LEPROTL1: variants seen among roughly 807,000 people sequenced by gnomAD.
LEPROTL1 encodes the protein leptin receptor overlapping transcript-like 1.
A neutral mutation model predicts 15.4 loss-of-function variants in LEPROTL1; 6 were observed. The observed-to-expected ratio is 0.39, with a 90% CI of 0.21 to 0.77. The LOEUF is 0.77. Ranked by LOEUF, LEPROTL1 falls within the 30% of genes least tolerant of loss-of-function variation. The probability of loss-of-function intolerance (pLI) is 0.41; values close to 1 mark genes in which losing one functional copy is unlikely to be tolerated. For missense variants in LEPROTL1, 128 were observed against 158.1 expected (o/e 0.81, Z 1.02); for synonymous variants, 56 against 52.6 (o/e 1.06, Z -0.28).
At chr8:30,109,058 G>C (rs578020218), downstream of LEPROTL1, among the ~76,000 whole-genome samples, 1 of 133,370 alleles carries the variant, frequency 7.5e-6, no homozygotes, top group Admixed American at 9.1e-5. Context: ...AAAGTGCTGG[G>C]ATTACAGGCG....
intron 2 of LEPROTL1, 96 bp downstream of exon 2, chr8:30,102,069 C>A: frequency 1.5e-6 from 1 of 666,096 alleles, no homozygotes; most frequent in Non-Finnish European, 2.5e-6. Context: ...AAAAGTAATG[C>A]AGAGAAATGT....
chr8:30,132,187 A>G (rs1172543055), intron 3 of LEPROTL1: 1 of 1,551,874 alleles, frequency 6.4e-7, no homozygotes, highest in East Asian at 2.4e-5. Context: ...GTCAGCTTCC[A>G]CCATCACGGC....
rs116414069 is a variant in LEPROTL1 at position 30,136,650 on chromosome 8, G to A, written c.395-622G>A. Among the ~76,000 whole-genome samples the A allele has an allele frequency of 2.0e-3, 301 of 151,192 alleles. 3 individuals carry two copies. The highest frequency in any genetic ancestry group is 6.8e-3 in the African/African-American group (281 of 41,174). On this transcript the variant is annotated intron_variant, in intron 4 of 4. Coordinates refer to the LEPROTL1 transcript ENST00000442880. The stretch of plus-strand genomic sequence containing the variant: ...CTCCATCCCATTTGGTACTTCCTAC[G>A]CCCCACCCACCTGCCATCTTGCCTT...
intron 4 of LEPROTL1, among the ~76,000 whole-genome samples, chr8:30,134,902 C>T (rs1341433748): frequency 6.6e-6 from 1 of 151,876 alleles, no homozygotes; most frequent in Non-Finnish European, 1.5e-5. Flanking sequence ...TTTCCTGAGA[C>T]ACGGTCTCAC....
rs1315778252 is a variant in LEPROTL1, at chr8:30,107,999, A to G, written c.*2137A>G. 1.0e-6 allele frequency: 1 copy of G among 961,696 alleles called. No individual in the cohort carries two copies. Among genetic ancestry groups the G allele is most frequent in the African/African-American group, 1.8e-5 (1 of 56,490 alleles). 59.6% of individuals were successfully genotyped at this position (961,696 alleles called of 1,614,324 possible). ...AATTTTCCATAGAATATGCACTGAT[A>G]CAATATTACCATTCTTCTATGGAAA... is the stretch of plus-strand genomic sequence containing the variant. On this transcript the variant is annotated 3_prime_UTR_variant, in exon 4 of 4. Transcript: ENST00000321250.
chr8:30,118,205 A>G (rs148305060), intron 3 of LEPROTL1, among the ~76,000 whole-genome samples: 1,813 of 152,004 alleles, frequency 0.012, 40 homozygotes, highest in African/African-American at 0.042. Flanking sequence ...TTGTATTTTT[A>G]GTAGAGACTG....
intron 2 of LEPROTL1, among the ~76,000 whole-genome samples, chr8:30,102,384 C>T (rs1802483163): frequency 6.6e-6 from 1 of 151,882 alleles, no homozygotes; most frequent in Non-Finnish European, 1.5e-5. Context: ...GGTGCGGTGG[C>T]TCACACCTGT....
intron 4 of LEPROTL1, among the ~76,000 whole-genome samples, chr8:30,134,615 G>A (rs901660044): frequency 5.5e-5 from 8 of 146,268 alleles, no homozygotes; most frequent in Admixed American, 2.7e-4. Flanking sequence ...GATCTCAGCC[G>A]CCCACTGCAA....
At chr8:30,096,014 G>C in intron 1 of LEPROTL1, 2 of 608,534 alleles carry the variant, frequency 3.3e-6, no homozygotes, top group Admixed American at 5.1e-5. Context: ...CCGAAACCTC[G>C]ACCCCACGTC....
intron 1 of LEPROTL1, among the ~76,000 whole-genome samples, chr8:30,097,536 G>A (rs1802386384): frequency 6.6e-6 from 1 of 151,760 alleles, no homozygotes; most frequent in African/African-American, 2.4e-5. Flanking sequence ...AGCTGGGCAT[G>A]GTGGCAGGCA....
intron 3 of LEPROTL1, among the ~76,000 whole-genome samples, chr8:30,122,285 C>G (rs943652995): frequency 6.6e-6 from 1 of 151,996 alleles, no homozygotes; most frequent in Non-Finnish European, 1.5e-5. Context: ...GAAATTGGAC[C>G]CCTACTTCAC....
intron 3 of LEPROTL1, among the ~76,000 whole-genome samples, chr8:30,122,853 G>C (rs910603827): frequency 1.3e-5 from 2 of 152,154 alleles, no homozygotes; most frequent in African/African-American, 4.8e-5. Context: ...AATTTGGGGA[G>C]AATGAATCTT....
chr8:30,131,018 T>C (rs566146800), intron 3 of LEPROTL1, among the ~76,000 whole-genome samples: 15 of 151,894 alleles, frequency 9.9e-5, no homozygotes, highest in Middle Eastern at 3.4e-3. Context: ...GACCTTGTGA[T>C]CCCATGACCT....
chr8:30,135,056 GTTT>G (rs34509876), intron 4 of LEPROTL1, among the ~76,000 whole-genome samples: 22 of 111,788 alleles, frequency 2.0e-4, no homozygotes, highest in African/African-American at 4.6e-4. Flanking sequence ...ATTTTTGTGG[GTTT>G]TTTTTTTTTT....
chr8:30,113,922 T>G (rs1209605328), intron 3 of LEPROTL1, among the ~76,000 whole-genome samples: 1 of 152,150 alleles, frequency 6.6e-6, no homozygotes, highest in Non-Finnish European at 1.5e-5. Flanking sequence ...TTTTAAGTAT[T>G]GGAGCCACCC....
At position 30,095,538 on chromosome 8, in the gene LEPROTL1, G is replaced by A. The variant is rs1225489946; in HGVS notation, c.16+10G>A. On this transcript the variant is annotated intron_variant, in intron 1 of 3. Transcript: ENST00000321250. ...ATGGCAGGCATCAAAGGTGGGCCTG[G>A]GTTGCAGGACGCGGGAGGGCTGGGG... 5.6e-6 allele frequency: 8 copies of A among 1,423,598 alleles called. No individual in the cohort carries two copies. The highest frequency in any genetic ancestry group is 1.5e-5 in the African/African-American group (1 of 66,844). 88.2% of individuals were successfully genotyped at this position (1,423,598 alleles called of 1,614,324 possible). A position where few individuals can be genotyped will look rare whatever the true frequency, so the allele number is the denominator to read the frequency against.
At chr8:30,102,476 C>A (rs12334524) in intron 2 of LEPROTL1, among the ~76,000 whole-genome samples, 19,582 of 151,798 alleles carry the variant, frequency 0.13, 1,626 homozygotes, top group East Asian at 0.23. Context: ...CATGGTGAAA[C>A]CCCATCTCTA....
chr8:30,096,371 A>G (rs912493481), intron 1 of LEPROTL1: 5 of 985,222 alleles, frequency 5.1e-6, no homozygotes, highest in African/African-American at 1.7e-5. Context: ...AACTAATTAC[A>G]TTGATTTCTT....
chr8:30,097,360 T>C (rs1224093126), intron 1 of LEPROTL1, among the ~76,000 whole-genome samples: 1 of 152,024 alleles, frequency 6.6e-6, no homozygotes, highest in Non-Finnish European at 1.5e-5. Context: ...TCAAACTGTG[T>C]TATGAATATT....
Sources: gnomAD v4.1 joint callset for allele counts (sites outside exome capture counted in the v4.1 genomes callset) on GRCh38, gnomAD v4.1.1 for gene constraint, MANE v1.5 for transcripts, NCBI Gene and HGNC (gene_info 2026-07-23, HGNC 2026-07-21) for gene names.